LRRTM3: variants seen among roughly 807,000 people sequenced by gnomAD.
LRRTM3 encodes the protein leucine-rich repeat transmembrane neuronal protein 3.
In LRRTM3, 24 loss-of-function variants were observed where a neutral mutation model predicts 44.7. The ratio of observed to expected loss-of-function variants is 0.54; its 90% confidence interval spans 0.39 to 0.76. LRRTM3 has a LOEUF of 0.76. Among genes scored for constraint, LRRTM3 ranks in the 30% least tolerant of loss-of-function variants. The probability of loss-of-function intolerance (pLI) is 0.00; values close to 1 mark genes in which losing one functional copy is unlikely to be tolerated. For synonymous variants in LRRTM3, 277 were observed against 278.7 expected (o/e 0.99, Z 0.06); for missense variants, 587 against 702.2 (o/e 0.84, Z 1.85).
intron 2 of LRRTM3, among the ~76,000 whole-genome samples, chr10:67,055,795 T>C (rs1244637538): frequency 6.6e-6 from 1 of 152,120 alleles, no homozygotes; most frequent in Non-Finnish European, 1.5e-5. Context: ...CATAAGGATA[T>C]CAGGGGTGTC....
chr10:66,940,612 C>T (rs1847946685), intron 2 of LRRTM3, among the ~76,000 whole-genome samples: 1 of 152,084 alleles, frequency 6.6e-6, no homozygotes, highest in Admixed American at 6.5e-5. Context: ...AAATATGAAA[C>T]CCACAAATTA....
intron 2 of LRRTM3, among the ~76,000 whole-genome samples, chr10:67,045,125 A>T (rs1363248745): frequency 1.3e-5 from 2 of 152,226 alleles, no homozygotes; most frequent in Non-Finnish European, 2.9e-5. Context: ...TACCTAGTTA[A>T]TGCTTACATA....
chr10:66,978,612 T>C (rs1334792214), intron 2 of LRRTM3, among the ~76,000 whole-genome samples: 1 of 145,404 alleles, frequency 6.9e-6, no homozygotes, highest in African/African-American at 2.5e-5. Context: ...AGATCTTATG[T>C]TAAGTGTTCT....
Position 67,037,446 on chromosome 10 carries a change from T to C in LRRTM3, c.1537-60141T>C, listed in dbSNP as rs117423854. 9.3e-3 allele frequency among the ~76,000 whole-genome samples: 1,420 copies of C among 151,984 alleles called. 14 individuals carry two copies. The highest frequency in any genetic ancestry group is 0.016 in the Non-Finnish European group (1,109 of 67,978). ...ATGTCTCTCAAGTGGCAGAGATAAG[T>C]ATTAATTATTAAAATTTCTTTTCTT... On this transcript the variant is annotated intron_variant, in intron 2 of 2. Coordinates refer to ENST00000361320, the MANE Select transcript of LRRTM3 (RefSeq NM_178011.5).
chr10:67,064,535 T>C (rs1409573509), intron 2 of LRRTM3, among the ~76,000 whole-genome samples: 1 of 152,204 alleles, frequency 6.6e-6, no homozygotes, highest in East Asian at 1.9e-4. Flanking sequence ...GCAAGCTTTC[T>C]CTATAACATT....
chr10:67,100,048 A>G lies in LRRTM3; in HGVS notation c.*2252A>G, dbSNP rs1858249367. Among the ~76,000 whole-genome samples, 1 of 151,814 alleles carries G rather than the reference A, an allele frequency of 6.6e-6. No homozygotes were observed. The highest frequency in any genetic ancestry group is 6.6e-5 in the Admixed American group (1 of 15,184). ...AAAAGAAGAATTAATTTGTGTAAAC[A>G]AGCACAAATTAACATATTTGTTAAT... On this transcript the variant is annotated 3_prime_UTR_variant, in exon 3 of 3. Transcript: ENST00000361320.
Position 66,927,763 on chromosome 10 carries a change from C to G in LRRTM3, c.847C>G (p.Leu283Val). The change falls in exon 2 of 3, where the codon CTC (leucine) becomes GTC (valine). Residue 283 changes from leucine (L) to valine (V), a missense_variant. Transcript: ENST00000361320. This position sits in a 1 kb window ranked among gnomAD's most constrained non-coding sequence, Gnocchi z 4.7. The stretch of plus-strand genomic sequence containing the variant: ...CCAGTGTGTCCCGAATCTGCAGCGC[C>G]TCAACCTGGATTCCAACAAGCTCAC... ...VFQCVPNLQR[L>V]NLDSNKLTFI... 6.2e-7 allele frequency: 1 copy of G among 1,614,214 alleles called. No homozygotes were observed. Among genetic ancestry groups the G allele is most frequent in the Non-Finnish European group, 8.5e-7 (1 of 1,180,042 alleles).
In LRRTM3 at chr10:66,965,762, T is replaced by C. The variant is rs113105425; in HGVS notation, c.1536+37310T>C. On this transcript the variant is annotated intron_variant, in intron 2 of 2. Transcript: ENST00000361320. Reference sequence around the variant, plus strand: ...TTTCTTTGCTCAGTCAAAGGCCGCATATGTTTCAAAGGATACTTGATATAG... The same window carrying C: ...TTTCTTTGCTCAGTCAAAGGCCGCACATGTTTCAAAGGATACTTGATATAG... 6.6e-3 allele frequency among the ~76,000 whole-genome samples: 1,005 copies of C among 152,224 alleles called. 10 individuals carry two copies. The highest frequency in any genetic ancestry group is 0.014 in the Middle Eastern group (4 of 294).
At chr10:66,986,600 G>T (rs1331187352) in intron 2 of LRRTM3, among the ~76,000 whole-genome samples, 1 of 152,026 alleles carries the variant, frequency 6.6e-6, no homozygotes, top group African/African-American at 2.4e-5. Flanking sequence ...TAGTTTATAG[G>T]AGAATGATAC....
rs551329825 is a variant in LRRTM3, at chr10:66,968,726, C to T, written c.1536+40274C>T. Among the ~76,000 whole-genome samples, 3 of 152,068 alleles carry T rather than the reference C, an allele frequency of 2.0e-5. No individual in the cohort carries two copies. The South Asian group carries it at 6.2e-4, about 32-fold the overall frequency. ...ATTTTTAATAGGTTAAATTTAAATACATATTTTTGGCCGGGCATGGTGGCT... is the reference window on the plus strand; with the variant it reads ...ATTTTTAATAGGTTAAATTTAAATATATATTTTTGGCCGGGCATGGTGGCT... On this transcript the variant is annotated intron_variant, in intron 2 of 2. Coordinates refer to ENST00000361320, the MANE Select transcript of LRRTM3 (RefSeq NM_178011.5).
intron 2 of LRRTM3, among the ~76,000 whole-genome samples, chr10:66,977,339 G>A (rs1157359575): frequency 1.3e-5 from 2 of 151,972 alleles, no homozygotes; most frequent in African/African-American, 2.4e-5. Context: ...AGGAGGCTGA[G>A]GCAGGAGGAT....
At chr10:67,015,036 A>C (rs1226670065) in intron 2 of LRRTM3, among the ~76,000 whole-genome samples, 1 of 152,098 alleles carries the variant, frequency 6.6e-6, no homozygotes, top group Non-Finnish European at 1.5e-5. Flanking sequence ...CTACAAGGGC[A>C]CTCCAAAGTT....
intron 2 of LRRTM3, among the ~76,000 whole-genome samples, chr10:66,942,951 C>T (rs572196334): frequency 4.6e-5 from 7 of 152,154 alleles, no homozygotes; most frequent in Non-Finnish European, 1.0e-4. Flanking sequence ...TTAATGAGCA[C>T]CTATAATGTG....
chr10:67,088,322 T>C (rs1481412262), intron 2 of LRRTM3, among the ~76,000 whole-genome samples: 2 of 151,892 alleles, frequency 1.3e-5, no homozygotes, highest in African/African-American at 2.4e-5. Context: ...TGAATATTTC[T>C]CTTTGGTTTT....
intron 2 of LRRTM3, among the ~76,000 whole-genome samples, chr10:67,090,963 T>C (rs897691326): frequency 1.3e-5 from 2 of 151,982 alleles, no homozygotes; most frequent in Admixed American, 1.3e-4. Context: ...GAAACCAAAA[T>C]AGTGATTAGT....
intron 2 of LRRTM3, among the ~76,000 whole-genome samples, chr10:67,019,199 TTTC>T (rs1441461885): frequency 1.3e-5 from 2 of 152,154 alleles, no homozygotes; most frequent in Admixed American, 6.5e-5. Flanking sequence ...TCTTGCCACT[TTTC>T]TTTTTTTAAT....
At position 67,017,741 on chromosome 10, in the gene LRRTM3, G is replaced by C. The variant is rs1010185852; in HGVS notation, c.1537-79846G>C. Reference sequence around the variant, plus strand: ...AAAAATCATCTGTGTGTGTGTGTGTGTGTGTGTGTGTGCGCGCGTACAATT... The same window carrying C: ...AAAAATCATCTGTGTGTGTGTGTGTCTGTGTGTGTGTGCGCGCGTACAATT... On this transcript the variant is annotated intron_variant, in intron 2 of 2. Transcript: ENST00000361320. Among the ~76,000 whole-genome samples, 765 of 151,916 alleles carry C rather than the reference G, an allele frequency of 5.0e-3. 7 individuals carry two copies. Among genetic ancestry groups the C allele is most frequent in the African/African-American group, 0.017 (723 of 41,364 alleles).
intron 2 of LRRTM3, among the ~76,000 whole-genome samples, chr10:67,047,059 C>A (rs1854799718): frequency 6.6e-6 from 1 of 152,162 alleles, no homozygotes. Context: ...GTATCTGATT[C>A]CTTGCTTCTG....
intron 2 of LRRTM3, among the ~76,000 whole-genome samples, chr10:67,080,792 C>T (rs954818816): frequency 2.6e-5 from 4 of 151,936 alleles, no homozygotes; most frequent in Non-Finnish European, 5.9e-5. Context: ...GCCTGTGGTC[C>T]CAGCTACTCG....
Sources: gnomAD v4.1 joint callset for allele counts (sites outside exome capture counted in the v4.1 genomes callset) on GRCh38, gnomAD v4.1.1 for gene constraint, Gnocchi (gnomAD v3.1) non-coding constraint, MANE v1.5 for transcripts, NCBI Gene and HGNC (gene_info 2026-07-23, HGNC 2026-07-21) for gene names.